Variants in BCAR3 observed in about 807,000 individuals in gnomAD.
The protein encoded by BCAR3 is BCAR3 adaptor protein, NSP family member.
BCAR3 carries 37 observed loss-of-function variants against 80.1 expected under a neutral mutation model. That is an observed-to-expected ratio of 0.46 (90% CI 0.36 to 0.61). The LOEUF (loss-of-function observed/expected upper bound fraction) is 0.61. BCAR3 is among the 20% of genes least tolerant of loss of function. The probability of loss-of-function intolerance (pLI) is 0.00; values close to 1 mark genes in which losing one functional copy is unlikely to be tolerated. For synonymous variants in BCAR3, 389 were observed against 418.9 expected (o/e 0.93, Z 0.87); for missense variants, 978 against 1,068.2 (o/e 0.92, Z 1.18).
intron 3 of BCAR3, among the ~76,000 whole-genome samples, chr1:93,618,939 G>GTTTTTTTTTTTTTTAGT (rs386367697): frequency 8.4e-6 from 1 of 119,496 alleles, no homozygotes; most frequent in African/African-American, 3.2e-5. Context: ...TTTTTTTTTT[G>GTTTTTTTTTTTTTTAGT]TTTTTTTTTT....
chr1:93,664,679 G>C (rs1165311928), intron 2 of BCAR3, among the ~76,000 whole-genome samples: 5 of 152,166 alleles, frequency 3.3e-5, no homozygotes, highest in African/African-American at 1.2e-4. Flanking sequence ...GAATTCTAGT[G>C]ACAGCATGAA....
chr1:93,725,444 G>T (rs1357709701), intron 2 of BCAR3, among the ~76,000 whole-genome samples: 1 of 152,144 alleles, frequency 6.6e-6, no homozygotes, highest in Non-Finnish European at 1.5e-5. Flanking sequence ...CTTCTTTTGT[G>T]AAATGCCTGC....
intron 3 of BCAR3, among the ~76,000 whole-genome samples, chr1:93,689,039 A>G (rs986742020): frequency 1.3e-5 from 2 of 152,210 alleles, no homozygotes; most frequent in African/African-American, 2.4e-5. Flanking sequence ...AGCATCTACC[A>G]TATGGAAAGC....
At chr1:93,680,828 C>A (rs990021584) in intron 1 of BCAR3, among the ~76,000 whole-genome samples, 2 of 152,216 alleles carry the variant, frequency 1.3e-5, no homozygotes, top group Non-Finnish European at 2.9e-5. Flanking sequence ...TCAACCTCCT[C>A]CTCGACGAGT....
chr1:93,623,172 T>C (rs1013036157), intron 3 of BCAR3, among the ~76,000 whole-genome samples: 1 of 152,158 alleles, frequency 6.6e-6, no homozygotes, highest in African/African-American at 2.4e-5. Context: ...AAGATGGGAA[T>C]AGGACTTGAA....
At chr1:93,578,487 CATGGGTTTTGA>C (rs1673553423) in intron 7 of BCAR3, among the ~76,000 whole-genome samples, 1 of 152,348 alleles carries the variant, frequency 6.6e-6, no homozygotes, top group East Asian at 1.9e-4. Context: ...CCCCTCTCTC[CATGGGTTTTGA>C]CAACTAAGTG....
chr1:93,708,543 A>T (rs1649905431), intron 2 of BCAR3, among the ~76,000 whole-genome samples: 1 of 152,140 alleles, frequency 6.6e-6, no homozygotes, highest in South Asian at 2.1e-4. Context: ...GTGTCCCATT[A>T]CTCTCAGAAA....
At chr1:93,636,612 T>A (rs1570992771) in intron 3 of BCAR3, among the ~76,000 whole-genome samples, 1 of 152,212 alleles carries the variant, frequency 6.6e-6, no homozygotes, top group African/African-American at 2.4e-5. Flanking sequence ...CCATATTTTC[T>A]AATGTAACTT....
intron 3 of BCAR3, among the ~76,000 whole-genome samples, chr1:93,608,806 T>G (rs897063829): frequency 1.3e-5 from 2 of 152,234 alleles, no homozygotes; most frequent in African/African-American, 4.8e-5. Flanking sequence ...CTGTCCTTTC[T>G]TTTTGGAGGG....
chr1:93,621,261 C>G (rs1033462602), intron 3 of BCAR3, among the ~76,000 whole-genome samples: 6 of 152,242 alleles, frequency 3.9e-5, no homozygotes, highest in Non-Finnish European at 7.3e-5. Context: ...AAGTGACGTA[C>G]TGGATAATTC....
At chr1:93,777,690 G>GC (rs1652624484) in intron 2 of BCAR3, among the ~76,000 whole-genome samples, 1 of 152,132 alleles carries the variant, frequency 6.6e-6, no homozygotes, top group Non-Finnish European at 1.5e-5. Context: ...CTCTCAGAGT[G>GC]CTGGGATTAC....
chr1:93,665,531 G>A (rs1013819088), intron 2 of BCAR3, among the ~76,000 whole-genome samples: 6 of 152,196 alleles, frequency 3.9e-5, no homozygotes, highest in African/African-American at 1.4e-4. Flanking sequence ...CTCTGAGGTC[G>A]TTCTTAGGGT....
At chr1:93,705,631 G>A (rs1649805595) in intron 3 of BCAR3, among the ~76,000 whole-genome samples, 1 of 152,218 alleles carries the variant, frequency 6.6e-6, no homozygotes, top group Non-Finnish European at 1.5e-5. Flanking sequence ...TCACAACTCT[G>A]TGGTGCTCCC....
chr1:93,758,848 A>G lies in BCAR3; in HGVS notation c.-62-52706T>C, dbSNP rs575184425. 1.7e-3 allele frequency among the ~76,000 whole-genome samples: 252 copies of G among 152,236 alleles called. 1 individual carries two copies. The highest frequency in any genetic ancestry group is 3.5e-3 in the South Asian group (17 of 4,820). ...GGGACAGTGGGTGGCAACTGAGGAG[A>G]GGCTGTTAGAGAACCGAATAGGAGA... On this transcript the variant is annotated intron_variant, in intron 2 of 13. Coordinates refer to the BCAR3 transcript ENST00000370244.
chr1:93,845,502 A>ATATATATATCTATCTCATGTTGTCAAG, intron 2 of BCAR3: 5 of 113,826 alleles, frequency 4.4e-5, no homozygotes, highest in South Asian at 5.3e-4. Context: ...ATATATATAT[A>ATATATATATCTATCTCATGTTGTCAAG]AAACTTTGTT....
intron 3 of BCAR3, among the ~76,000 whole-genome samples, chr1:93,607,377 C>T (rs1366552553): frequency 6.6e-6 from 1 of 151,910 alleles, no homozygotes; most frequent in African/African-American, 2.4e-5. Flanking sequence ...AACACGATCT[C>T]GTTATGAGAG....
chr1:93,681,048 T>C lies in BCAR3; in HGVS notation c.-12+550A>G, dbSNP rs1265968437. 3.9e-5 allele frequency: 6 copies of C among 152,354 alleles called. 2 individuals carry two copies. Among genetic ancestry groups the C allele is most frequent in the African/African-American group, 1.2e-4 (5 of 41,568 alleles). 9.4% of individuals were successfully genotyped at this position (152,354 alleles called of 1,614,324 possible). A position where few individuals can be genotyped will look rare whatever the true frequency, so the allele number is the denominator to read the frequency against. On this transcript the variant is annotated intron_variant, in intron 1 of 11. Transcript: ENST00000260502. ...ACAAAGGGAGAGAGGGAGGGAGATGTTGTCAACAGTTACAGGGCAGGCTCC... is the reference window on the plus strand; with the variant it reads ...ACAAAGGGAGAGAGGGAGGGAGATGCTGTCAACAGTTACAGGGCAGGCTCC...
rs867846873 is a variant in BCAR3, at chr1:93,649,304, C to G, written c.318-6961G>C. On this transcript the variant is annotated intron_variant, in intron 2 of 11. Coordinates refer to ENST00000260502, the MANE Select transcript of BCAR3 (RefSeq NM_003567.4). ...GACAAGCAAGGCTATGGGGACAGCA[C>G]AGGACACCTTGTCTTGAGGTGGTTC... Among the ~76,000 whole-genome samples, 4 of 152,296 alleles carry G rather than the reference C, an allele frequency of 2.6e-5. No homozygotes were observed. The Middle Eastern group carries it at 0.01, about 389-fold the overall frequency.
intron 7 of BCAR3, among the ~76,000 whole-genome samples, chr1:93,576,517 G>C (rs1396388883): frequency 6.6e-6 from 1 of 152,216 alleles, no homozygotes. Context: ...CCGATCCCCT[G>C]CAGTGGAAGA....
Sources: allele counts gnomAD v4.1 joint callset (sites outside exome capture counted in the v4.1 genomes callset), GRCh38; gene constraint gnomAD v4.1.1; transcripts MANE v1.5; gene names NCBI Gene and HGNC (gene_info 2026-07-23, HGNC 2026-07-21).